The following ZNF107 variants were observed in gnomAD, a reference collection of about 807,000 sequenced individuals.
The protein encoded by ZNF107 is C2H2 type zinc-finger protein.
In ZNF107, 19 loss-of-function variants were observed where a neutral mutation model predicts 12.3. The ratio of observed to expected loss-of-function variants is 1.55; its 90% confidence interval spans 1.08 to 2.27. The LOEUF is 2.27. Among genes scored for constraint, ZNF107 ranks in the 30% most tolerant of loss-of-function variants. The probability of loss-of-function intolerance (pLI) is 0.00; values close to 1 mark genes in which losing one functional copy is unlikely to be tolerated. For missense variants in ZNF107, 958 were observed against 979.9 expected, an observed-to-expected ratio of 0.98 and a Z score of 0.30; for synonymous variants, 317 against 330.5, an observed-to-expected ratio of 0.96 and a Z score of 0.44.
At chr7:64,671,100 C>T (rs944692567) in intron 1 of ZNF107, among the ~76,000 whole-genome samples, 7 of 152,070 alleles carry the variant, frequency 4.6e-5, no homozygotes, top group African/African-American at 1.7e-4. Context: ...TCACAGAGGC[C>T]TGGCCTGGAG....
chr7:64,696,359 T>TA (rs1554349469), intron 3 of ZNF107, among the ~76,000 whole-genome samples: 3 of 151,162 alleles, frequency 2.0e-5, no homozygotes, highest in Non-Finnish European at 4.4e-5. Flanking sequence ...ACAGTTTTTT[T>TA]AAAAAAATAG....
At chr7:64,699,156 T>C (rs1790388818) in intron 3 of ZNF107, among the ~76,000 whole-genome samples, 1 of 151,948 alleles carries the variant, frequency 6.6e-6, no homozygotes, top group African/African-American at 2.4e-5. Context: ...TAATAAAAAT[T>C]TAAAATTTTA....
intron 3 of ZNF107, among the ~76,000 whole-genome samples, chr7:64,702,126 A>C (rs1471301606): frequency 1.3e-5 from 2 of 151,688 alleles, no homozygotes; most frequent in African/African-American, 4.8e-5. Flanking sequence ...TGGAGATTAC[A>C]TAAAACATCT....
Position 64,708,678 on chromosome 7 carries a change from A to G in ZNF107, c.*22A>G. 2.5e-6 allele frequency: 4 copies of G among 1,573,364 alleles called. No homozygotes were observed. Among genetic ancestry groups the G allele is most frequent in the Non-Finnish European group, 3.5e-6 (4 of 1,158,256 alleles). On this transcript the variant is annotated 3_prime_UTR_variant, in exon 4 of 4. Coordinates refer to ENST00000620827, the MANE Select transcript of ZNF107 (RefSeq NM_001282359.2). ...TTAATTGATCCTACAAGCTTACTAC[A>G]CATAGGAAAATTCATACTGGAGAGA...
At chr7:64,667,719 A>G (rs1789057386) in intron 1 of ZNF107, among the ~76,000 whole-genome samples, 1 of 152,092 alleles carries the variant, frequency 6.6e-6, no homozygotes, top group South Asian at 2.1e-4. Context: ...GTAGCCTCTC[A>G]AGGGAGCAGG....
intron 3 of ZNF107, among the ~76,000 whole-genome samples, chr7:64,704,533 C>T (rs190753408): frequency 9.2e-5 from 14 of 152,214 alleles, no homozygotes; most frequent in Middle Eastern, 3.4e-3. Flanking sequence ...CACGAGACAC[C>T]GCGCCTGGCT....
chr7:64,669,570 G>T (rs1266468209), intron 1 of ZNF107, among the ~76,000 whole-genome samples: 1 of 152,060 alleles, frequency 6.6e-6, no homozygotes, highest in Non-Finnish European at 1.5e-5. Flanking sequence ...GAGGCAGGCG[G>T]ATCACCTGAG....
chr7:64,684,454 GC>G (rs1211542672), intron 1 of ZNF107: 4 of 453,448 alleles, frequency 8.8e-6, no homozygotes, highest in African/African-American at 8.6e-5. Context: ...TACCCCAATG[GC>G]TGTCTGCTTA....
Position 64,666,210 on chromosome 7 carries a change from C to T in ZNF107, c.-73C>T, listed in dbSNP as rs1442301071. On this transcript the variant is annotated 5_prime_UTR_variant, in exon 1 of 4. Transcript: ENST00000620827. ...TGTCCTCTGCTCCTAGAGGCCCAGC[C>T]TCTGTGTCCCTGTGACCTGCAGATA... is the stretch of plus-strand genomic sequence containing the variant. 2.5e-6 allele frequency: 4 copies of T among 1,586,184 alleles called. No individual in the cohort carries two copies. In the African/African-American group the frequency reaches 4.0e-5, roughly 16 times the overall value.
chr7:64,685,930 G>C (rs1158113832), intron 1 of ZNF107, among the ~76,000 whole-genome samples: 1 of 152,140 alleles, frequency 6.6e-6, no homozygotes, highest in East Asian at 1.9e-4. Context: ...TATAGGACTA[G>C]GAGTTACCAA....
intron 3 of ZNF107, among the ~76,000 whole-genome samples, chr7:64,692,930 A>G (rs1790163303): frequency 6.6e-6 from 1 of 152,102 alleles, no homozygotes; most frequent in African/African-American, 2.4e-5. Context: ...GTGTAAGAGT[A>G]TATGATCTGC....
intron 1 of ZNF107, chr7:64,679,201 G>C (rs1487912103): frequency 1.0e-6 from 1 of 984,684 alleles, no homozygotes; most frequent in Non-Finnish European, 1.2e-6. Context: ...CACATTTGAT[G>C]CTGAAATCCG....
rs368716036 is a variant in ZNF107 at position 64,707,270 on chromosome 7, A to G, written c.1173A>G (p.Leu391=). 1.2e-5 allele frequency: 19 copies of G among 1,610,760 alleles called. No homozygotes were observed. In the African/African-American group the frequency reaches 2.3e-4, roughly 19 times the overall value. The change falls in exon 4 of 4, where the codon CTA becomes CTG. Residue 391 remains leucine (L), a synonymous_variant. Transcript: ENST00000620827. Reference sequence around the variant, plus strand: ...AACTTACTGCACATAAGAAAATTCTAATGGAAGAGAAACCCTACAAATGTG... The same window carrying G: ...AACTTACTGCACATAAGAAAATTCTGATGGAAGAGAAACCCTACAAATGTG... ...SLKLTAHKKI[L]MEEKPYKCEE...
intron 3 of ZNF107, among the ~76,000 whole-genome samples, chr7:64,696,295 G>A (rs976717007): frequency 1.3e-5 from 2 of 151,812 alleles, no homozygotes; most frequent in African/African-American, 2.4e-5. Flanking sequence ...TGATCCACCC[G>A]CCTCGGCCTT....
chr7:64,679,185 A>G (rs1789549150), intron 1 of ZNF107: 8 of 984,622 alleles, frequency 8.1e-6, no homozygotes, highest in South Asian at 4.7e-5. Context: ...AGACTGTGCC[A>G]TAACACACAT....
rs547662903 is a variant in ZNF107 at position 64,686,593 on chromosome 7, C to A, written c.4-4655C>A. On this transcript the variant is annotated intron_variant, in intron 1 of 3. Transcript: ENST00000620827. ...CCCACAAATATGGCTGCATTATTGC[C>A]AGCAGGCCATTATTGACGGTGGGCC... is the stretch of plus-strand genomic sequence containing the variant. The A allele has an allele frequency of 5.8e-5, 57 of 985,396 alleles. No homozygotes were observed. The Admixed American group carries it at 2.8e-3, about 49-fold the overall frequency. 61.0% of individuals were successfully genotyped at this position (985,396 alleles called of 1,614,324 possible).
Position 64,708,988 on chromosome 7 carries a change from T to G in ZNF107, c.*332T>G. 2.2e-6 allele frequency: 1 copy of G among 462,454 alleles called. No individual in the cohort carries two copies. Among genetic ancestry groups the G allele is most frequent in the Non-Finnish European group, 4.1e-6 (1 of 243,936 alleles). The allele number at this position is 462,454 out of a possible 1,614,324, so 28.6% of individuals were successfully genotyped here. On this transcript the variant is annotated 3_prime_UTR_variant, in exon 4 of 4. Coordinates refer to ENST00000620827, the MANE Select transcript of ZNF107 (RefSeq NM_001282359.2). The stretch of plus-strand genomic sequence containing the variant: ...AAATGAGAAGAATGTGGCAATGCCT[T>G]TAATCAGTCCTCACACCTTTCTACA...
chr7:64,699,446 G>A (rs1057382507), intron 3 of ZNF107, among the ~76,000 whole-genome samples: 13 of 152,166 alleles, frequency 8.5e-5, no homozygotes, highest in African/African-American at 2.9e-4. Flanking sequence ...TTTGAGACAG[G>A]ATCTTACTCT....
chr7:64,708,396 G>A lies in ZNF107; in HGVS notation c.2299G>A (p.Gly767Ser), dbSNP rs373296982. 2.6e-5 allele frequency: 42 copies of A among 1,603,850 alleles called. No homozygotes were observed. Among genetic ancestry groups the A allele is most frequent in the Non-Finnish European group, 3.5e-5 (41 of 1,172,894 alleles). Residue 767 changes from glycine to serine, a missense_variant, in exon 4 of 4, where the codon GGC becomes AGC. Gly to Ser is a moderately conservative substitution (Grantham distance 56). Coordinates refer to ENST00000620827, the MANE Select transcript of ZNF107 (RefSeq NM_001282359.2). ...GEKPYKCEEC[G>S]KAFNQSSNLT... The stretch of plus-strand genomic sequence containing the variant: ...GAAACCCTATAAATGTGAAGAATGT[G>A]GCAAAGCTTTTAACCAATCCTCAAA...
Sources: gnomAD v4.1 joint callset for allele counts (sites outside exome capture counted in the v4.1 genomes callset) on GRCh38, gnomAD v4.1.1 for gene constraint, MANE v1.5 for transcripts, NCBI Gene and HGNC (gene_info 2026-07-23, HGNC 2026-07-21) for gene names.